ABCG5: variants seen among roughly 807,000 people sequenced by gnomAD.
ABCG5 encodes the protein ATP binding cassette subfamily G member 5, also known as ATP-binding cassette sub-family G member 5.
Under a neutral mutation model 64.5 loss-of-function variants are expected in ABCG5, and 64 were observed. That is an observed-to-expected ratio of 0.99 (90% CI 0.81 to 1.22). The LOEUF (loss-of-function observed/expected upper bound fraction) is 1.22. Ranked by LOEUF, ABCG5 falls within the 50% of genes most tolerant of loss-of-function variation. The probability of loss-of-function intolerance (pLI) is 0.00; values close to 1 mark genes in which losing one functional copy is unlikely to be tolerated. For missense variants in ABCG5, 908 were observed against 829.5 expected, an observed-to-expected ratio of 1.09 and a Z score of -1.16; for synonymous variants, 385 against 326.3, an observed-to-expected ratio of 1.18 and a Z score of -1.94.
At chr2:43,814,414 C>T in intron 12 of ABCG5, 63 bp downstream of exon 12, 1 of 1,043,470 alleles carries the variant, frequency 9.6e-7, no homozygotes, top group Non-Finnish European at 1.5e-6. Context: ...AAATACATTT[C>T]CTCCAAGAAA....
chr2:43,825,856 G>C (rs762972837), intron 6 of ABCG5, among the ~76,000 whole-genome samples: 11 of 152,216 alleles, frequency 7.2e-5, no homozygotes, highest in Non-Finnish European at 1.5e-4. Flanking sequence ...GTGTTGTGCA[G>C]ATGAAATGAG....
chr2:43,809,827 G>A, downstream of ABCG5: 1 of 1,542,824 alleles, frequency 6.5e-7, no homozygotes. Flanking sequence ...AGATTATACT[G>A]TGAATTAACT....
Position 43,814,476 on chromosome 2 carries a change from C to A in ABCG5, c.1762+1G>T. 6.3e-7 allele frequency: 1 copy of A among 1,584,700 alleles called. No homozygotes were observed. Among genetic ancestry groups the A allele is most frequent in the Non-Finnish European group, 8.7e-7 (1 of 1,153,532 alleles). ...ATAATATCCCCAAATAGAATACTTA[C>A]CACAAGTGAAATTCAGTCCGTAGAA... On this transcript the variant is annotated splice_donor_variant, in intron 12 of 12. Transcript: ENST00000405322. LOFTEE classifies it high-confidence loss of function.
chr2:43,828,023 C>G lies in ABCG5; in HGVS notation c.594G>C (p.Arg198=), dbSNP rs1253288579. The change falls in exon 5 of 13, where the codon CGG becomes CGC. Residue 198 remains arginine, a synonymous_variant. Coordinates refer to ENST00000405322, the MANE Select transcript of ABCG5 (RefSeq NM_022436.3). The stretch of plus-strand genomic sequence containing the variant: ...GCTGGGCTGCGATGGAGACCCGGCG[C>G]CGCTCACCCGTGGAAATGCCCCCCA... ...YSLGGISTGE[R]RRVSIAAQLL... 1 of 1,614,122 alleles carries G rather than the reference C, an allele frequency of 6.2e-7. No individual in the cohort carries two copies. Among genetic ancestry groups the G allele is most frequent in the South Asian group, 1.1e-5 (1 of 91,076 alleles).
downstream of ABCG5, among the ~76,000 whole-genome samples, chr2:43,809,198 C>T (rs1343153554): frequency 6.6e-6 from 1 of 152,084 alleles, no homozygotes; most frequent in African/African-American, 2.4e-5. Flanking sequence ...CCCTATGTTG[C>T]CCAGGCTGGT....
At chr2:43,822,485 C>G (rs1057450586) in intron 10 of ABCG5, 10 of 925,962 alleles carry the variant, frequency 1.1e-5, no homozygotes, top group Admixed American at 6.2e-5. Context: ...CAGGCCCCCC[C>G]CCATGCACCT....
chr2:43,823,038 G>C, intron 9 of ABCG5, 103 bp from the exon 10 acceptor site: 1 of 1,493,044 alleles, frequency 6.7e-7, no homozygotes, highest in Non-Finnish European at 9.1e-7. Flanking sequence ...TGGATGGTGA[G>C]GACCAGCTAG....
At position 43,813,258 on chromosome 2, in the gene ABCG5, C is replaced by T; in HGVS notation, c.1814G>A (p.Gly605Glu). Residue 605 changes from glycine to glutamate, a missense_variant, in exon 13 of 13, where the codon GGA becomes GAA. By Grantham distance (98) the Gly-to-Glu change is moderately conservative (BLOSUM62 -2). Transcript: ENST00000405322. ...GCAGGTTTTCTCAATGAATTGAATT[C>T]CTTGAGTGAAGGCACACATTGGATT... ...TTNPMCAFTQGIQFIEKTCPG... is the reference protein window; with the variant it reads ...TTNPMCAFTQEIQFIEKTCPG... 6.2e-7 allele frequency: 1 copy of T among 1,613,992 alleles called. No homozygotes were observed. The highest frequency in any genetic ancestry group is 1.1e-5 in the South Asian group (1 of 91,020).
intron 2 of ABCG5, among the ~76,000 whole-genome samples, chr2:43,836,357 G>A (rs1026516151): frequency 6.6e-6 from 1 of 152,110 alleles, no homozygotes; most frequent in Non-Finnish European, 1.5e-5. Context: ...CCTACATTTG[G>A]TCATAGACTT....
chr2:43,834,083 C>G (rs1464131335), intron 2 of ABCG5, among the ~76,000 whole-genome samples: 1 of 152,174 alleles, frequency 6.6e-6, no homozygotes, highest in East Asian at 1.9e-4. Flanking sequence ...GCATCATTGA[C>G]AAAACTCAGA....
In ABCG5 at chr2:43,838,537, C is replaced by T; in HGVS notation, c.143G>A (p.Ser48Asn). Residue 48 changes from serine to asparagine, a missense_variant and splice_region_variant, in exon 1 of 13, where the codon AGC (serine) becomes AAC (asparagine). Ser to Asn is a conservative substitution (Grantham distance 46, BLOSUM62 1). Coordinates refer to ENST00000405322, the MANE Select transcript of ABCG5 (RefSeq NM_022436.3). The surrounding 1 kb of genome is among the most constrained non-coding windows in gnomAD (Gnocchi z 4.2). ...LGILHASYSV[S>N]HRVRPWWDIT... ...AGCAGCAGCAAGGGCTCTGCCTTACCTGACGCTGTAGGAGGCATGGAGGAT... is the reference window on the plus strand; with the variant it reads ...AGCAGCAGCAAGGGCTCTGCCTTACTTGACGCTGTAGGAGGCATGGAGGAT... 6.2e-7 allele frequency: 1 copy of T among 1,601,002 alleles called. No homozygotes were observed. The highest frequency in any genetic ancestry group is 1.1e-5 in the South Asian group (1 of 88,872).
chr2:43,833,936 G>A (rs1053232547), intron 2 of ABCG5, among the ~76,000 whole-genome samples: 8 of 151,548 alleles, frequency 5.3e-5, no homozygotes, highest in Non-Finnish European at 1.0e-4. Context: ...CGCCCGCCTC[G>A]GCCTCCCAAG....
At chr2:43,823,757 A>G (rs1259472427) in intron 9 of ABCG5, among the ~76,000 whole-genome samples, 156 bp downstream of exon 9, 1 of 152,326 alleles carries the variant, frequency 6.6e-6, no homozygotes, top group East Asian at 1.9e-4. Context: ...ACGTGTTGGT[A>G]ACTCAATAGT....
At chr2:43,814,284 C>G (rs943705933) in intron 12 of ABCG5, among the ~76,000 whole-genome samples, 193 bp downstream of exon 12, 1 of 152,172 alleles carries the variant, frequency 6.6e-6, no homozygotes, top group African/African-American at 2.4e-5. Flanking sequence ...TGACCTTTGA[C>G]AGGAGACTAA....
intron 4 of ABCG5, among the ~76,000 whole-genome samples, chr2:43,829,777 G>C (rs1384939433): frequency 1.3e-5 from 2 of 152,136 alleles, no homozygotes; most frequent in Non-Finnish European, 2.9e-5. Context: ...CAAAACCATT[G>C]CATTAAAAAA....
chr2:43,815,031 C>T (rs138462717), intron 11 of ABCG5, among the ~76,000 whole-genome samples: 1 of 152,256 alleles, frequency 6.6e-6, no homozygotes, highest in Non-Finnish European at 1.5e-5. Context: ...TTTTGGTAAG[C>T]ACTACTGATA....
chr2:43,831,802 G>A lies in ABCG5; in HGVS notation c.468C>T (p.Ile156=), dbSNP rs766042246. 4 of 1,589,678 alleles carry A rather than the reference G, an allele frequency of 2.5e-6. No individual in the cohort carries two copies. The South Asian group carries it at 3.5e-5, about 14-fold the overall frequency. Residue 156 remains isoleucine (I), a synonymous_variant, in exon 4 of 13, where the codon ATC becomes ATT. Transcript: ENST00000405322. The part of the protein sequence containing the change: ...ETLHYTALLA[I]RRGNPGSFQK... ...GGAAGGAGCCGGGATTGCCGCGGCG[G>A]ATGGCCAGCAGCGCGGTGTAGTGCA...
At chr2:43,806,362 C>A in the ABCG5 span, among the ~76,000 whole-genome samples, 10 of 152,166 alleles carry the variant, frequency 6.6e-5, no homozygotes, top group Non-Finnish European at 1.5e-4. Context: ...AAACAGCTGT[C>A]AGCTGGGAGT....
upstream of ABCG5, chr2:43,838,889 C>A: frequency 8.5e-7 from 1 of 1,178,348 alleles, no homozygotes; most frequent in Non-Finnish European, 1.2e-6. This position sits in a 1 kb window ranked among gnomAD's most constrained non-coding sequence, Gnocchi z 4.2. Flanking sequence ...GCAGAACACA[C>A]ACGTTTGTAG....
Sources: allele counts gnomAD v4.1 joint callset (sites outside exome capture counted in the v4.1 genomes callset), GRCh38; gene constraint gnomAD v4.1.1; non-coding constraint Gnocchi (gnomAD v3.1); transcripts MANE v1.5; gene names NCBI Gene and HGNC (gene_info 2026-07-23, HGNC 2026-07-21).